ABL1: variants seen among roughly 807,000 people sequenced by gnomAD.
ABL1 encodes the protein tyrosine-protein kinase ABL1.
A neutral mutation model predicts 94.7 loss-of-function variants in ABL1; 11 were observed. The observed-to-expected ratio is 0.12, with a 90% CI of 0.07 to 0.19. The LOEUF (loss-of-function observed/expected upper bound fraction) is 0.19. ABL1 is among the 10% of genes least tolerant of loss of function. ABL1 has a pLI of 1.00. For missense variants in ABL1, 1,082 were observed against 1,489.4 expected (o/e 0.73, Z 4.50); for synonymous variants, 656 against 622.4 (o/e 1.05, Z -0.80).
At position 130,714,562 on chromosome 9, in the gene ABL1, T is replaced by G. The variant is rs373182550; in HGVS notation, c.136+107T>G. ...TTGCGACAGTTCCTTCCAATTCCACTTAATAAATTTGTTACTGTAGTTATC... is the reference window on the plus strand; with the variant it reads ...TTGCGACAGTTCCTTCCAATTCCACGTAATAAATTTGTTACTGTAGTTATC... On this transcript the variant is annotated intron_variant, in intron 1 of 10. Coordinates refer to the ABL1 transcript ENST00000372348. 37 of 1,446,962 alleles carry G rather than the reference T, an allele frequency of 2.6e-5. 2 individuals are homozygous for G. Among genetic ancestry groups the G allele is most frequent in the African/African-American group, 1.8e-4 (13 of 71,742 alleles). The allele number at this position is 1,446,962 out of a possible 1,614,324, so 89.6% of individuals were successfully genotyped here. A position where few individuals can be genotyped will look rare whatever the true frequency, so the allele number is the denominator to read the frequency against.
At chr9:130,779,463 C>T (rs575863463) in intron 1 of ABL1, among the ~76,000 whole-genome samples, 8 of 152,296 alleles carry the variant, frequency 5.3e-5, no homozygotes, top group South Asian at 4.1e-4. Flanking sequence ...TATGGCATAA[C>T]GCAGTACATT....
intron 1 of ABL1, among the ~76,000 whole-genome samples, chr9:130,853,695 G>A (rs1421855909): frequency 6.0e-5 from 9 of 150,996 alleles, no homozygotes; most frequent in Non-Finnish European, 1.2e-4. Context: ...GATTACGGGC[G>A]TGAGCCACCA....
intron 1 of ABL1, among the ~76,000 whole-genome samples, chr9:130,787,612 A>G (rs1322787548): frequency 6.6e-6 from 1 of 151,878 alleles, no homozygotes; most frequent in Non-Finnish European, 1.5e-5. Context: ...GCAAGATTTT[A>G]CCCGAGTCCG....
Position 130,884,863 on chromosome 9 carries a change from G to C in ABL1, c.2573G>C (p.Gly858Ala), listed in dbSNP as rs1173321055. 1 of 1,607,350 alleles carries C rather than the reference G, an allele frequency of 6.2e-7. No homozygotes were observed. Among genetic ancestry groups the C allele is most frequent in the Non-Finnish European group, 8.5e-7 (1 of 1,176,874 alleles). Residue 858 changes from glycine (G) to alanine (A), a missense_variant, in exon 11 of 11, where the codon GGC (glycine) becomes GCC (alanine). By Grantham distance (60) the Gly-to-Ala change is moderately conservative. Transcript: ENST00000318560. This position sits in a 1 kb window ranked among gnomAD's most constrained non-coding sequence, Gnocchi z 5.6. ...AEPVTPTSKA[G>A]SGAPGGTSKG... ...CCAGTGACCCCCACCAGCAAAGCAGGCTCAGGTGCACCAGGGGGCACCAGC... is the reference window on the plus strand; with the variant it reads ...CCAGTGACCCCCACCAGCAAAGCAGCCTCAGGTGCACCAGGGGGCACCAGC...
In ABL1 at chr9:130,735,961, A is replaced by ATATATATATATTTTT. The variant is rs573602038; in HGVS notation, c.136+21507_136+21508insATATATATATTTTTT. On this transcript the variant is annotated intron_variant, in intron 1 of 10. Transcript: ENST00000372348. The stretch of plus-strand genomic sequence containing the variant: ...TATATATATATATATATATATATAT[A>ATATATATATATTTTT]TTTTTTTTTTTTAAGACAGGGTCTG... Among the ~76,000 whole-genome samples the ATATATATATATTTTT allele has an allele frequency of 1.3e-4, 12 of 94,850 alleles. No individual in the cohort carries two copies. In the South Asian group the frequency reaches 1.6e-3, roughly 13 times the overall value. The allele number at this position is 94,850 out of a possible 152,430, so 62.2% of individuals were successfully genotyped here. A position where few individuals can be genotyped will look rare whatever the true frequency, so the allele number is the denominator to read the frequency against.
At chr9:130,792,332 A>G (rs1031229101) in intron 1 of ABL1, among the ~76,000 whole-genome samples, 1 of 152,166 alleles carries the variant, frequency 6.6e-6, no homozygotes, top group African/African-American at 2.4e-5. Context: ...CTGCCCTTCA[A>G]GTTCACATGG....
At chr9:130,883,131 A>T (rs796475718) in intron 10 of ABL1, among the ~76,000 whole-genome samples, 8 of 152,266 alleles carry the variant, frequency 5.3e-5, no homozygotes, top group African/African-American at 1.9e-4. Flanking sequence ...GAGAATGCAG[A>T]TGAGGTTGTA....
intron 1 of ABL1, among the ~76,000 whole-genome samples, chr9:130,816,057 C>G (rs1588250594): frequency 6.6e-6 from 1 of 152,222 alleles, no homozygotes; most frequent in East Asian, 1.9e-4. Flanking sequence ...CACCAGAGCC[C>G]TGGCAGTCAC....
chr9:130,778,643 A>G (rs192870091), intron 1 of ABL1, among the ~76,000 whole-genome samples: 46 of 151,638 alleles, frequency 3.0e-4, no homozygotes, highest in Middle Eastern at 6.8e-3. Context: ...TTGCCAAGCA[A>G]TGCTTGCCCA....
chr9:130,841,499 T>G (rs147147588), intron 1 of ABL1, among the ~76,000 whole-genome samples: 1 of 152,240 alleles, frequency 6.6e-6, no homozygotes, highest in East Asian at 1.9e-4. Flanking sequence ...GGCCATGGGT[T>G]GAACAAGCTT....
At chr9:130,763,826 T>G (rs557589227) in intron 1 of ABL1, among the ~76,000 whole-genome samples, 26 of 152,188 alleles carry the variant, frequency 1.7e-4, no homozygotes, top group Non-Finnish European at 2.8e-4. Context: ...CCCTATTCAG[T>G]GAGGGAGGGC....
At chr9:130,841,207 G>T (rs1830664622) in intron 1 of ABL1, among the ~76,000 whole-genome samples, 1 of 151,506 alleles carries the variant, frequency 6.6e-6, no homozygotes, top group South Asian at 2.1e-4. Flanking sequence ...GAGTGCAGTT[G>T]CACGATCTCA....
chr9:130,718,881 C>T (rs896424305), intron 1 of ABL1, among the ~76,000 whole-genome samples: 1 of 152,004 alleles, frequency 6.6e-6, no homozygotes, highest in Non-Finnish European at 1.5e-5. Flanking sequence ...GACCCCATCT[C>T]AAAACAAAGT....
intron 1 of ABL1, among the ~76,000 whole-genome samples, chr9:130,777,346 A>G (rs1829681106): frequency 1.3e-5 from 2 of 152,238 alleles, no homozygotes; most frequent in African/African-American, 4.8e-5. Flanking sequence ...TGGACTAATG[A>G]GTAGAGGAAT....
At chr9:130,879,158 T>C (rs895248602) in intron 8 of ABL1, among the ~76,000 whole-genome samples, 10 of 152,224 alleles carry the variant, frequency 6.6e-5, no homozygotes, top group African/African-American at 2.4e-4. Flanking sequence ...ATTACAGGCG[T>C]GAGCCACCAC....
intron 1 of ABL1, among the ~76,000 whole-genome samples, chr9:130,741,265 C>G (rs547115693): frequency 1.3e-5 from 2 of 151,866 alleles, no homozygotes; most frequent in South Asian, 4.1e-4. Flanking sequence ...GACCCATGGT[C>G]GAGGGAGAGG....
At position 130,885,761 on chromosome 9, in the gene ABL1, G is replaced by A; in HGVS notation, c.*78G>A. 2 of 1,507,910 alleles carry A rather than the reference G, an allele frequency of 1.3e-6. No homozygotes were observed. Among genetic ancestry groups the A allele is most frequent in the Non-Finnish European group, 1.8e-6 (2 of 1,126,950 alleles). 93.4% of individuals were successfully genotyped at this position (1,507,910 alleles called of 1,614,324 possible). On this transcript the variant is annotated 3_prime_UTR_variant, in exon 11 of 11. Coordinates refer to ENST00000318560, the MANE Select transcript of ABL1 (RefSeq NM_005157.6). ...GGGCTCGCCCATACCCGTGACAGTG[G>A]CTGACAAGGGACTAGTGAGTCAGCA...
intron 1 of ABL1, among the ~76,000 whole-genome samples, chr9:130,734,179 C>A (rs754624658): frequency 6.6e-6 from 1 of 151,288 alleles, no homozygotes; most frequent in Non-Finnish European, 1.5e-5. Flanking sequence ...AATTTTTTCA[C>A]AATTTCGTGG....
intron 1 of ABL1, among the ~76,000 whole-genome samples, chr9:130,816,012 C>G (rs1205538465): frequency 6.6e-6 from 1 of 152,206 alleles, no homozygotes; most frequent in Non-Finnish European, 1.5e-5. Context: ...GAGTGAGACT[C>G]TGTCTCAAAA....
Sources: gnomAD v4.1 joint callset for allele counts (sites outside exome capture counted in the v4.1 genomes callset) on GRCh38, gnomAD v4.1.1 for gene constraint, Gnocchi (gnomAD v3.1) non-coding constraint, MANE v1.5 for transcripts, NCBI Gene and HGNC (gene_info 2026-07-23, HGNC 2026-07-21) for gene names.